Variants in IFT46 observed in about 807,000 individuals in gnomAD.
IFT46 encodes the protein intraflagellar transport protein 46 homolog.
Under a neutral mutation model 39.6 loss-of-function variants are expected in IFT46, and 19 were observed. That is an observed-to-expected ratio of 0.48 (90% CI 0.33 to 0.70). IFT46 has a LOEUF of 0.70. IFT46 is among the 30% of genes least tolerant of loss of function. IFT46 has a pLI of 0.01. For missense variants in IFT46, 334 were observed against 364.8 expected (o/e 0.92, Z 0.69); for synonymous variants, 117 against 134.8 (o/e 0.87, Z 0.91).
chr11:118,546,196 C>A, intron 9 of IFT46: 2 of 717,680 alleles, frequency 2.8e-6, no homozygotes, highest in Non-Finnish European at 5.2e-6. Flanking sequence ...GAAGAGACCC[C>A]TCAGAAGAAA....
At chr11:118,576,245 A>C (rs1417471885), upstream of IFT46, among the ~76,000 whole-genome samples, 1 of 151,918 alleles carries the variant, frequency 6.6e-6, no homozygotes, top group Non-Finnish European at 1.5e-5. Context: ...TAGTGTACTC[A>C]AACCATGTAA....
chr11:118,552,366 G>GGCA, intron 7 of IFT46, 31 bp from the exon 8 acceptor site: 1 of 1,612,024 alleles, frequency 6.2e-7, no homozygotes, highest in Non-Finnish European at 8.5e-7. Context: ...CCTAGCTGAT[G>GGCA]GCACTGAAGT....
At chr11:118,574,708 C>A (rs996724668), upstream of IFT46, among the ~76,000 whole-genome samples, 1 of 152,012 alleles carries the variant, frequency 6.6e-6, no homozygotes, top group African/African-American at 2.4e-5. Flanking sequence ...GAAACAAATG[C>A]TTTCTCATGA....
intron 9 of IFT46, among the ~76,000 whole-genome samples, chr11:118,551,189 T>G (rs551342618): frequency 2.0e-5 from 3 of 151,038 alleles, no homozygotes; most frequent in African/African-American, 7.3e-5. Flanking sequence ...CTGGCCAACA[T>G]GGTGAAACCC....
intron 7 of IFT46, 42 bp downstream of exon 7, chr11:118,554,417 T>C: frequency 6.5e-7 from 1 of 1,549,530 alleles, no homozygotes; most frequent in Non-Finnish European, 8.7e-7. Flanking sequence ...CCTCCACTCT[T>C]GGCCCTCTCC....
At chr11:118,563,612 TCAGCCATCACAA>T (rs2135510720) in intron 2 of IFT46, among the ~76,000 whole-genome samples, 1 of 152,192 alleles carries the variant, frequency 6.6e-6, no homozygotes, top group South Asian at 2.1e-4. Flanking sequence ...TCATCTCAAC[TCAGCCATCACAA>T]CAGTCCATTC....
chr11:118,558,750 T>C (rs1555070021), intron 3 of IFT46, among the ~76,000 whole-genome samples: 1 of 150,768 alleles, frequency 6.6e-6, no homozygotes, highest in Non-Finnish European at 1.5e-5. Context: ...ACCCCATCTC[T>C]ACTAAAAATA....
chr11:118,572,622 G>GC, exon 1 of IFT46: 1 of 1,565,736 alleles, frequency 6.4e-7, no homozygotes, highest in Admixed American at 1.9e-5. Flanking sequence ...CGGGCCTGGG[G>GC]CAGGGGCCGG....
intron 2 of IFT46, chr11:118,561,059 G>T (rs1430945481): frequency 2.0e-6 from 3 of 1,536,842 alleles, no homozygotes; most frequent in Non-Finnish European, 2.7e-6. Context: ...CCAAGTGGAG[G>T]AGACTGGCAA....
upstream of IFT46, among the ~76,000 whole-genome samples, chr11:118,568,483 C>G (rs577052165): frequency 1.1e-4 from 16 of 152,020 alleles, no homozygotes; most frequent in Middle Eastern, 0.01. Context: ...ACCCGGGAGG[C>G]GGAGGTTGCA....
At chr11:118,545,337 A>T (rs1555066797) in intron 11 of IFT46, 72 bp downstream of exon 11, 3 of 1,125,460 alleles carry the variant, frequency 2.7e-6, no homozygotes, top group Non-Finnish European at 4.0e-6. Flanking sequence ...ATGCAATCAC[A>T]GCAGGCTCAG....
intron 4 of IFT46, among the ~76,000 whole-genome samples, chr11:118,556,344 T>A (rs1348346612): frequency 3.3e-5 from 5 of 151,812 alleles, no homozygotes; most frequent in Admixed American, 6.6e-5. Flanking sequence ...ACAAAAAAAA[T>A]TAGCTGGGCG....
intron 1 of IFT46, among the ~76,000 whole-genome samples, chr11:118,571,774 T>G (rs1938340767): frequency 6.6e-6 from 1 of 152,246 alleles, no homozygotes; most frequent in African/African-American, 2.4e-5. Flanking sequence ...AATACTGTAT[T>G]TGTCTTTTTA....
intron 9 of IFT46, 154 bp from the exon 10 acceptor site, chr11:118,546,007 C>G: frequency 1.4e-6 from 1 of 719,344 alleles, no homozygotes; most frequent in Non-Finnish European, 2.6e-6. Flanking sequence ...TTCCTAACTC[C>G]CTGTACTTCA....
chr11:118,547,893 C>T (rs1555067574), intron 9 of IFT46, among the ~76,000 whole-genome samples: 2 of 150,920 alleles, frequency 1.3e-5, no homozygotes, highest in Admixed American at 1.3e-4. Flanking sequence ...ACTATAGGCG[C>T]CCGCCACAGC....
At chr11:118,558,916 AAAAAAAAACAAAC>A (rs1480341563) in intron 3 of IFT46, among the ~76,000 whole-genome samples, 158 of 150,746 alleles carry the variant, frequency 1.0e-3, no homozygotes, top group African/African-American at 3.6e-3. Flanking sequence ...CTGTCTCAAA[AAAAAAAAACAAAC>A]AAAAAAAACA....
chr11:118,560,991 G>A, intron 2 of IFT46: 5 of 1,406,112 alleles, frequency 3.6e-6, no homozygotes, highest in East Asian at 4.6e-5. Flanking sequence ...TATTGTACTG[G>A]CCTGCTGCTG....
upstream of IFT46, among the ~76,000 whole-genome samples, chr11:118,576,038 G>C (rs1555073474): frequency 1.3e-5 from 2 of 150,810 alleles, no homozygotes. Flanking sequence ...TAAAGACACA[G>C]AGCACTTTGG....
upstream of IFT46, among the ~76,000 whole-genome samples, chr11:118,566,633 C>A (rs1938233474): frequency 6.6e-6 from 1 of 152,208 alleles, no homozygotes; most frequent in African/African-American, 2.4e-5. Flanking sequence ...GCGGAGCTTG[C>A]AGGGAGCCGA....
Sources: gnomAD v4.1 joint callset for allele counts (sites outside exome capture counted in the v4.1 genomes callset) on GRCh38, gnomAD v4.1.1 for gene constraint, MANE v1.5 for transcripts, NCBI Gene and HGNC (gene_info 2026-07-23, HGNC 2026-07-21) for gene names.